Variants in CAMK1G observed in about 807,000 individuals in gnomAD.
CAMK1G encodes calcium/calmodulin dependent protein kinase IG.
A neutral mutation model predicts 54.8 loss-of-function variants in CAMK1G; 27 were observed. The ratio of observed to expected loss-of-function variants is 0.49; its 90% CI spans 0.36 to 0.68. The LOEUF (loss-of-function observed/expected upper bound fraction) is 0.68, where lower values mean the gene tolerates loss of function less well. Ranked by LOEUF, CAMK1G falls within the 30% of genes least tolerant of loss-of-function variation. The pLI is 0.00. For missense variants in CAMK1G, 512 were observed against 591.0 expected, an observed-to-expected ratio of 0.87 and a Z score of 1.39; for synonymous variants, 238 against 224.9, an observed-to-expected ratio of 1.06 and a Z score of -0.52.
chr1:209,596,856 C>T (rs1022402812), intron 2 of CAMK1G, among the ~76,000 whole-genome samples: 4 of 152,130 alleles, frequency 2.6e-5, no homozygotes, highest in African/African-American at 9.7e-5. Flanking sequence ...TTCCTTTTAG[C>T]CTGGGTGATT....
intron 1 of CAMK1G, among the ~76,000 whole-genome samples, chr1:209,593,464 G>A (rs11576233): frequency 0.2 from 29,940 of 152,140 alleles, 3,740 homozygotes; most frequent in Non-Finnish European, 0.27. Context: ...GCCATTAGCT[G>A]TTGGAGGGGG....
At chr1:209,611,388 C>G (rs1300558161) in intron 9 of CAMK1G, 77 bp from the exon 10 acceptor site, 2 of 1,355,798 alleles carry the variant, frequency 1.5e-6, no homozygotes, top group Non-Finnish European at 2.1e-6. Flanking sequence ...TCACCTAGAC[C>G]TGCAGGCACC....
rs551692071 is a variant in CAMK1G at position 209,613,089 on chromosome 1, G to A, written c.*87G>A. The A allele has an allele frequency of 5.2e-4, 261 of 504,924 alleles. 1 individual carries two copies. Among genetic ancestry groups the A allele is most frequent in the African/African-American group, 4.7e-3 (246 of 51,850 alleles). 31.3% of individuals were successfully genotyped at this position (504,924 alleles called of 1,614,324 possible). Reference sequence around the variant, plus strand: ...TTCCAAACCTGGTGTCTATCCGGCAGAGGGAGGAAGGCAGAGCAAGTGGAG... The same window carrying A: ...TTCCAAACCTGGTGTCTATCCGGCAAAGGGAGGAAGGCAGAGCAAGTGGAG... On this transcript the variant is annotated 3_prime_UTR_variant, in exon 13 of 13. Coordinates refer to ENST00000361322, the MANE Select transcript of CAMK1G (RefSeq NM_020439.3).
rs1665819105 is a variant in CAMK1G at position 209,612,925 on chromosome 1, A to C, written c.*37+13A>C. 4 of 1,282,182 alleles carry C rather than the reference A, an allele frequency of 3.1e-6. No homozygotes were observed. Among genetic ancestry groups the C allele is most frequent in the Non-Finnish European group, 4.5e-6 (4 of 882,856 alleles). 79.4% of individuals were successfully genotyped at this position (1,282,182 alleles called of 1,614,324 possible). A position where few individuals can be genotyped will look rare whatever the true frequency, so the allele number is the denominator to read the frequency against. On this transcript the variant is annotated intron_variant, in intron 12 of 12. Coordinates refer to ENST00000361322, the MANE Select transcript of CAMK1G (RefSeq NM_020439.3). ...CTGCAATTTTCAGGTTAGGAGGGTC[A>C]CAGTGTGAGGCTTGGGGAGAGTTTC...
intron 7 of CAMK1G, 139 bp downstream of exon 7, chr1:209,608,072 TACAC>T (rs35151738): frequency 0.35 from 192,461 of 554,854 alleles, 20,971 homozygotes; most frequent in East Asian, 0.56. Flanking sequence ...GGCACACGGG[TACAC>T]ACACACACAC....
chr1:209,595,123 G>A, intron 2 of CAMK1G, 48 bp downstream of exon 2: 1 of 1,360,358 alleles, frequency 7.4e-7, no homozygotes, highest in Non-Finnish European at 1.1e-6. Flanking sequence ...GCCTGCAGTG[G>A]GAGGTTAGAA....
At chr1:209,608,773 A>C (rs531039389) in intron 7 of CAMK1G, among the ~76,000 whole-genome samples, 1 of 152,330 alleles carries the variant, frequency 6.6e-6, no homozygotes, top group Non-Finnish European at 1.5e-5. Context: ...TCTAGGGATG[A>C]CTGTGCCAAG....
At chr1:209,609,541 G>A (rs931130010) in intron 8 of CAMK1G, among the ~76,000 whole-genome samples, 7 of 152,242 alleles carry the variant, frequency 4.6e-5, no homozygotes, top group African/African-American at 7.2e-5. Context: ...GTGCCCATGT[G>A]CCAGCGCTGG....
chr1:209,591,890 T>A (rs1665259643), intron 1 of CAMK1G, among the ~76,000 whole-genome samples: 2 of 152,264 alleles, frequency 1.3e-5, no homozygotes, highest in South Asian at 4.1e-4. Flanking sequence ...CACCGTCTCT[T>A]CTCACCAACC....
chr1:209,585,568 T>C (rs1467263551), intron 1 of CAMK1G, among the ~76,000 whole-genome samples: 1 of 152,232 alleles, frequency 6.6e-6, no homozygotes, highest in Non-Finnish European at 1.5e-5. Flanking sequence ...TGAGGTTACC[T>C]GGAAAGGTGG....
At chr1:209,585,290 C>A (rs934158468) in intron 1 of CAMK1G, among the ~76,000 whole-genome samples, 2 of 152,198 alleles carry the variant, frequency 1.3e-5, no homozygotes, top group Non-Finnish European at 2.9e-5. Flanking sequence ...AATCTGAGTG[C>A]TTTAGGGATT....
At chr1:209,605,914 C>A (rs75532111) in intron 5 of CAMK1G, among the ~76,000 whole-genome samples, 5,247 of 152,238 alleles carry the variant, frequency 0.034, 274 homozygotes, top group African/African-American at 0.11. Context: ...AAATAATACA[C>A]ACATTTCTTA....
In CAMK1G at chr1:209,612,801, G is replaced by T; in HGVS notation, c.1357G>T (p.Val453Phe). The T allele has an allele frequency of 1.2e-6, 2 of 1,614,134 alleles. No individual in the cohort carries two copies. Among genetic ancestry groups the T allele is most frequent in the Non-Finnish European group, 1.7e-6 (2 of 1,179,994 alleles). Reference protein sequence around the residue: ...ANKKQNFKSEVMVPVKASGSS... With the variant: ...ANKKQNFKSEFMVPVKASGSS... ...CCTTTCTAGGAACTTCAAGTCGGAGGTCATGGTACCAGTTAAAGCCAGTGG... is the reference window on the plus strand; with the variant it reads ...CCTTTCTAGGAACTTCAAGTCGGAGTTCATGGTACCAGTTAAAGCCAGTGG... Residue 453 changes from valine (V) to phenylalanine (F), a missense_variant, in exon 12 of 13, where the codon GTC (valine) becomes TTC (phenylalanine). Val to Phe is a conservative substitution (Grantham distance 50, BLOSUM62 -1). Coordinates refer to ENST00000361322, the MANE Select transcript of CAMK1G (RefSeq NM_020439.3).
At chr1:209,593,904 G>T (rs187116991) in intron 1 of CAMK1G, among the ~76,000 whole-genome samples, 47 of 152,050 alleles carry the variant, frequency 3.1e-4, no homozygotes, top group Non-Finnish European at 6.8e-4. Context: ...GCCCTTTATT[G>T]TCCGCCCCTG....
At chr1:209,605,755 A>G in intron 5 of CAMK1G, 81 bp downstream of exon 5, 1 of 1,431,542 alleles carries the variant, frequency 7.0e-7, no homozygotes, top group Non-Finnish European at 9.5e-7. Flanking sequence ...TCTAAGCTCC[A>G]TAAAGTAAGA....
intron 1 of CAMK1G, among the ~76,000 whole-genome samples, chr1:209,593,761 T>TGCAA (rs1279675701): frequency 1.0e-5 from 1 of 95,986 alleles, no homozygotes; most frequent in Non-Finnish European, 2.8e-5. Context: ...TCTTCACATC[T>TGCAA]CTCTCCCTTC....
Position 209,600,103 on chromosome 1 carries a change from G to A in CAMK1G, c.213G>A (p.Val71=), listed in dbSNP as rs375264536. 2.5e-6 allele frequency: 4 copies of A among 1,613,128 alleles called. No homozygotes were observed. Among genetic ancestry groups the A allele is most frequent in the African/African-American group, 2.7e-5 (2 of 74,848 alleles). ...RDSSLENEIA[V]LKKIKHENIV... is the part of the protein sequence containing the mutation. ...GCAGCCTGGAGAATGAGATTGCTGTGTTGAAAAAGTGAGTGGGTCTTAGTG... is the reference window on the plus strand; with the variant it reads ...GCAGCCTGGAGAATGAGATTGCTGTATTGAAAAAGTGAGTGGGTCTTAGTG... Residue 71 remains valine, a synonymous_variant, in exon 3 of 13, where the codon GTG becomes GTA. Coordinates refer to ENST00000361322, the MANE Select transcript of CAMK1G (RefSeq NM_020439.3).
intron 1 of CAMK1G, among the ~76,000 whole-genome samples, chr1:209,590,360 G>A (rs1416707754): frequency 6.6e-6 from 1 of 152,166 alleles, no homozygotes; most frequent in Non-Finnish European, 1.5e-5. Flanking sequence ...ACAGAGGGGT[G>A]GGAAGGGAAA....
chr1:209,588,776 C>T (rs1409433368), intron 1 of CAMK1G, among the ~76,000 whole-genome samples: 3 of 152,190 alleles, frequency 2.0e-5, no homozygotes, highest in Admixed American at 2.0e-4. Context: ...GGAGGAAGGA[C>T]AGAGAAGCTC....
Sources: allele counts gnomAD v4.1 joint callset (sites outside exome capture counted in the v4.1 genomes callset), GRCh38; gene constraint gnomAD v4.1.1; transcripts MANE v1.5; gene names NCBI Gene and HGNC (gene_info 2026-07-23, HGNC 2026-07-21).